Variants in RGS17 observed in about 807,000 individuals in gnomAD.
RGS17 encodes the protein regulator of G protein signaling 17, also known as regulator of G-protein signaling 17.
Under a neutral mutation model 25.5 loss-of-function variants are expected in RGS17, and 12 were observed. That is an observed-to-expected ratio of 0.47 (90% CI 0.30 to 0.76). The LOEUF (loss-of-function observed/expected upper bound fraction) is 0.76. Among genes scored for constraint, RGS17 ranks in the 30% least tolerant of loss-of-function variants. RGS17 has a pLI of 0.07. For synonymous variants in RGS17, 71 were observed against 76.9 expected (o/e 0.92, Z 0.40); for missense variants, 196 against 242.2 (o/e 0.81, Z 1.27).
rs1777624634 is a variant in RGS17 at position 153,121,079 on chromosome 6, T to G, written c.-26+10045A>C. Among the ~76,000 whole-genome samples, 3 of 152,132 alleles carry G rather than the reference T, an allele frequency of 2.0e-5. No individual in the cohort carries two copies. In the South Asian group the frequency reaches 6.2e-4, roughly 32 times the overall value. On this transcript the variant is annotated intron_variant, in intron 1 of 4. Coordinates refer to ENST00000206262, the MANE Select transcript of RGS17 (RefSeq NM_012419.5). The stretch of plus-strand genomic sequence containing the variant: ...CTTGTTCATGTTTTTTTTTTTAATT[T>G]TGCTATTCTTTGGTACAGAGTAAGG...
At chr6:153,071,036 C>CGTATGT (rs1776793901) in intron 1 of RGS17, among the ~76,000 whole-genome samples, 5 of 146,654 alleles carry the variant, frequency 3.4e-5, no homozygotes, top group African/African-American at 1.3e-4. Context: ...TGTATATATA[C>CGTATGT]GTATATGTAC....
intron 1 of RGS17, among the ~76,000 whole-genome samples, chr6:153,082,978 T>C (rs562019395): frequency 6.6e-6 from 1 of 152,288 alleles, no homozygotes; most frequent in East Asian, 1.9e-4. Flanking sequence ...TCTGTGTCCA[T>C]TCTGGCTGGA....
intron 1 of RGS17, among the ~76,000 whole-genome samples, chr6:153,060,565 C>T (rs1776618784): frequency 6.6e-6 from 1 of 152,140 alleles, no homozygotes; most frequent in African/African-American, 2.4e-5. Flanking sequence ...CATCTTAGTA[C>T]TCTTGGTACA....
chr6:153,062,569 C>T (rs1776654349), intron 1 of RGS17, among the ~76,000 whole-genome samples: 1 of 152,142 alleles, frequency 6.6e-6, no homozygotes, highest in Non-Finnish European at 1.5e-5. Context: ...ACAAGGACTA[C>T]AACTTTTACA....
chr6:153,101,078 T>C (rs1010346366), intron 1 of RGS17, among the ~76,000 whole-genome samples: 2 of 152,208 alleles, frequency 1.3e-5, no homozygotes, highest in Admixed American at 6.5e-5. Context: ...GCTATCGTAT[T>C]GCTTTTAACA....
intron 4 of RGS17, among the ~76,000 whole-genome samples, chr6:153,020,112 ATATATATAT>A (rs1203093066): frequency 1.1e-4 from 4 of 36,074 alleles, no homozygotes; most frequent in African/African-American, 2.8e-4. Flanking sequence ...AAAAAAAAAA[ATATATATAT>A]ATATATATAT....
At chr6:153,062,801 C>A (rs1029488847) in intron 1 of RGS17, among the ~76,000 whole-genome samples, 52 of 152,038 alleles carry the variant, frequency 3.4e-4, no homozygotes, top group African/African-American at 1.2e-3. Flanking sequence ...GATACCAGCT[C>A]AGCCAAACAG....
chr6:153,014,337 A>C (rs192594555), intron 4 of RGS17, among the ~76,000 whole-genome samples: 2 of 152,296 alleles, frequency 1.3e-5, no homozygotes, highest in Admixed American at 1.3e-4. Flanking sequence ...AAGAAAAAAA[A>C]GATTCCTTTT....
intron 1 of RGS17, among the ~76,000 whole-genome samples, chr6:153,067,987 A>C (rs1490308075): frequency 6.6e-6 from 1 of 152,168 alleles, no homozygotes; most frequent in Non-Finnish European, 1.5e-5. Flanking sequence ...AGAATAGAGA[A>C]TCCAGAAATA....
chr6:153,014,065 C>A (rs1779159333), intron 4 of RGS17, among the ~76,000 whole-genome samples: 1 of 152,186 alleles, frequency 6.6e-6, no homozygotes, highest in Non-Finnish European at 1.5e-5. Flanking sequence ...CTAGGACTTT[C>A]AGAGCCAGAG....
chr6:153,111,032 A>G (rs533276439), intron 1 of RGS17, among the ~76,000 whole-genome samples: 17 of 150,494 alleles, frequency 1.1e-4, no homozygotes, highest in Non-Finnish European at 2.4e-4. Flanking sequence ...ACACCAAGCT[A>G]GCTGCAGGAG....
intron 2 of RGS17, among the ~76,000 whole-genome samples, chr6:153,037,771 A>T (rs1776269429): frequency 6.6e-6 from 1 of 152,188 alleles, no homozygotes; most frequent in Admixed American, 6.6e-5. Flanking sequence ...CTGTTTACAA[A>T]AATGCCTGGC....
intron 4 of RGS17, among the ~76,000 whole-genome samples, chr6:153,020,423 G>A (rs1346089700): frequency 6.6e-6 from 1 of 151,690 alleles, no homozygotes; most frequent in Admixed American, 6.6e-5. Flanking sequence ...AAAGTGCTGG[G>A]ATTACAGGTG....
intron 1 of RGS17, among the ~76,000 whole-genome samples, chr6:153,061,449 A>G (rs900842225): frequency 6.6e-6 from 1 of 152,264 alleles, no homozygotes; most frequent in Admixed American, 6.5e-5. Flanking sequence ...GACATGCTCA[A>G]TATTTCAATA....
intron 1 of RGS17, among the ~76,000 whole-genome samples, chr6:153,106,032 G>A (rs950863885): frequency 6.6e-6 from 1 of 152,088 alleles, no homozygotes; most frequent in Non-Finnish European, 1.5e-5. Flanking sequence ...GAGCAGAAAC[G>A]GAGAAACAGA....
chr6:153,123,660 T>C (rs1447005763), intron 1 of RGS17, among the ~76,000 whole-genome samples: 1 of 152,140 alleles, frequency 6.6e-6, no homozygotes, highest in Non-Finnish European at 1.5e-5. Context: ...TTGGTCAAGG[T>C]ACTATATTAT....
chr6:153,106,090 T>G (rs975467918), intron 1 of RGS17, among the ~76,000 whole-genome samples: 1 of 152,136 alleles, frequency 6.6e-6, no homozygotes, highest in African/African-American at 2.4e-5. Flanking sequence ...TGGTTATGGA[T>G]AGTTTACATA....
intron 1 of RGS17, among the ~76,000 whole-genome samples, chr6:153,055,233 G>C (rs574297221): frequency 1.3e-5 from 2 of 152,158 alleles, no homozygotes; most frequent in Admixed American, 6.5e-5. Context: ...GGATTGGTGT[G>C]GGTTTATCAG....
intron 1 of RGS17, among the ~76,000 whole-genome samples, chr6:153,066,112 G>A (rs75957332): frequency 0.035 from 5,285 of 152,122 alleles, 420 homozygotes; most frequent in South Asian, 0.26. Context: ...AGCTGATGCC[G>A]CAAACATTCA....
Sources: gnomAD v4.1 joint callset for allele counts (sites outside exome capture counted in the v4.1 genomes callset) on GRCh38, gnomAD v4.1.1 for gene constraint, MANE v1.5 for transcripts, NCBI Gene and HGNC (gene_info 2026-07-23, HGNC 2026-07-21) for gene names.